The following PTN variants were observed in gnomAD, a reference collection of about 807,000 sequenced individuals.
PTN encodes the protein pleiotrophin.
In PTN, 18 loss-of-function variants were observed where a neutral mutation model predicts 24.1. The observed-to-expected ratio is 0.75, with a 90% CI of 0.52 to 1.11. The LOEUF is 1.11. PTN is among the 50% of genes least tolerant of loss of function. The pLI is 0.00. For synonymous variants in PTN, 78 were observed against 68.6 expected (o/e 1.14, Z -0.67); for missense variants, 163 against 198.8 (o/e 0.82, Z 1.08).
At chr7:137,274,623 G>C (rs1809333339) in intron 1 of PTN, among the ~76,000 whole-genome samples, 1 of 152,098 alleles carries the variant, frequency 6.6e-6, no homozygotes, top group Non-Finnish European at 1.5e-5. Flanking sequence ...ATGCCTCACA[G>C]ATGGTGATGT....
At chr7:137,332,355 A>T (rs1481566334) in intron 1 of PTN, among the ~76,000 whole-genome samples, 1 of 151,774 alleles carries the variant, frequency 6.6e-6, no homozygotes, top group East Asian at 1.9e-4. Flanking sequence ...CTTCAGGTAT[A>T]TTTGTGTTTT....
intron 4 of PTN, among the ~76,000 whole-genome samples, chr7:137,245,117 T>C (rs1342205529): frequency 1.3e-5 from 2 of 152,164 alleles, no homozygotes; most frequent in Non-Finnish European, 2.9e-5. Context: ...TGCATATTAA[T>C]CCACGGCCAT....
At chr7:137,320,831 A>T (rs1810151179) in intron 1 of PTN, among the ~76,000 whole-genome samples, 2 of 152,288 alleles carry the variant, frequency 1.3e-5, no homozygotes, top group African/African-American at 2.4e-5. Flanking sequence ...CCTGCAGTTC[A>T]TTGTCAACCT....
intron 1 of PTN, among the ~76,000 whole-genome samples, chr7:137,292,336 G>T (rs780950858): frequency 1.3e-5 from 2 of 152,170 alleles, no homozygotes; most frequent in Non-Finnish European, 2.9e-5. Flanking sequence ...ACCTTGAATT[G>T]TAGTAATTCC....
intron 1 of PTN, among the ~76,000 whole-genome samples, chr7:137,256,310 T>C (rs1045875465): frequency 2.0e-5 from 3 of 152,176 alleles, no homozygotes; most frequent in Non-Finnish European, 2.9e-5. Context: ...CTAAGTTCCC[T>C]CCCCTTACCC....
chr7:137,260,108 G>A (rs1205949677), intron 1 of PTN, among the ~76,000 whole-genome samples: 2 of 152,068 alleles, frequency 1.3e-5, no homozygotes. Context: ...TCTGCCCTTT[G>A]TCAATACCTG....
chr7:137,340,345 G>T (rs78708936), intron 1 of PTN, among the ~76,000 whole-genome samples: 9,165 of 152,116 alleles, frequency 0.06, 800 homozygotes, highest in African/African-American at 0.19. Flanking sequence ...AAAATAGAAA[G>T]AAAAAGAGGT....
At chr7:137,250,331 G>A (rs925206794) in intron 4 of PTN, among the ~76,000 whole-genome samples, 1 of 152,150 alleles carries the variant, frequency 6.6e-6, no homozygotes. Flanking sequence ...CCTATGGCTT[G>A]TAGATGGCAT....
intron 1 of PTN, among the ~76,000 whole-genome samples, chr7:137,313,515 T>C (rs1158984038): frequency 2.6e-5 from 4 of 152,200 alleles, no homozygotes; most frequent in Non-Finnish European, 4.4e-5. Flanking sequence ...CCAGTAATTG[T>C]GGGAGCTAGC....
At chr7:137,255,396 C>G (rs1265818971) in intron 1 of PTN, among the ~76,000 whole-genome samples, 1 of 152,226 alleles carries the variant, frequency 6.6e-6, no homozygotes, top group Non-Finnish European at 1.5e-5. Context: ...CTGCTGTACA[C>G]AAGACCAATT....
chr7:137,229,865 G>A (rs1808398616), intron 4 of PTN, among the ~76,000 whole-genome samples: 1 of 151,772 alleles, frequency 6.6e-6, no homozygotes, highest in Non-Finnish European at 1.5e-5. Flanking sequence ...ATTATTCAGT[G>A]TCTGAAAATG....
At chr7:137,248,549 G>T (rs773771727) in intron 4 of PTN, among the ~76,000 whole-genome samples, 1 of 152,134 alleles carries the variant, frequency 6.6e-6, no homozygotes, top group African/African-American at 2.4e-5. Context: ...TTAGCTGGGC[G>T]CATGCCCATA....
intron 1 of PTN, among the ~76,000 whole-genome samples, chr7:137,274,729 A>C (rs939562866): frequency 9.2e-5 from 14 of 152,258 alleles, no homozygotes; most frequent in African/African-American, 3.1e-4. Context: ...GAAATTTTAT[A>C]GTTAACTATT....
intron 1 of PTN, among the ~76,000 whole-genome samples, chr7:137,295,205 C>T (rs1180364713): frequency 6.6e-6 from 1 of 152,160 alleles, no homozygotes; most frequent in Non-Finnish European, 1.5e-5. Context: ...TTCAATCAGT[C>T]ATTACACATA....
chr7:137,253,313 C>T (rs1038925551), intron 3 of PTN, 151 bp downstream of exon 3: 14 of 745,990 alleles, frequency 1.9e-5, no homozygotes, highest in Middle Eastern at 7.9e-4. Flanking sequence ...CAAATAATTG[C>T]CTGGCCTGAA....
intron 3 of PTN, among the ~76,000 whole-genome samples, chr7:137,251,657 G>A (rs762590474): frequency 6.7e-6 from 1 of 148,990 alleles, no homozygotes; most frequent in Non-Finnish European, 1.5e-5. Flanking sequence ...ACAACAGTGG[G>A]TCATTCTTTA....
chr7:137,276,108 C>T (rs556705298), intron 1 of PTN, among the ~76,000 whole-genome samples: 107 of 152,232 alleles, frequency 7.0e-4, no homozygotes, highest in East Asian at 1.9e-3. Flanking sequence ...GCAGAAATGT[C>T]GCAGGTCAGC....
intron 1 of PTN, among the ~76,000 whole-genome samples, chr7:137,340,874 ACCT>A (rs1810522813): frequency 6.6e-6 from 1 of 152,100 alleles, no homozygotes; most frequent in Non-Finnish European, 1.5e-5. Flanking sequence ...CAGTCTGGAC[ACCT>A]CCTTCCTGAG....
At chr7:137,251,183 T>C (rs369875394) in intron 4 of PTN, 47 bp downstream of exon 4, 1 of 1,594,372 alleles carries the variant, frequency 6.3e-7, no homozygotes, top group Non-Finnish European at 8.6e-7. Flanking sequence ...AGATCTTACC[T>C]GAGTCCATCA....
Sources: allele counts gnomAD v4.1 joint callset (sites outside exome capture counted in the v4.1 genomes callset), GRCh38; gene constraint gnomAD v4.1.1; transcripts MANE v1.5; gene names NCBI Gene and HGNC (gene_info 2026-07-23, HGNC 2026-07-21).